Variants in EXOC4 observed in about 807,000 individuals in gnomAD.
The protein encoded by EXOC4 is SEC8-like 1.
EXOC4 carries 71 observed loss-of-function variants against 107.2 expected under a neutral mutation model. The ratio of observed to expected loss-of-function variants is 0.66; its 90% CI spans 0.55 to 0.81. EXOC4 has a LOEUF of 0.81. Ranked by LOEUF, EXOC4 falls within the 30% of genes least tolerant of loss-of-function variation. EXOC4 has a pLI of 0.00. For missense variants in EXOC4, 1,108 were observed against 1,189.6 expected, an observed-to-expected ratio of 0.93 and a Z score of 1.01; for synonymous variants, 456 against 441.2, an observed-to-expected ratio of 1.03 and a Z score of -0.42.
intron 10 of EXOC4, among the ~76,000 whole-genome samples, chr7:133,663,972 A>G (rs934045280): frequency 6.6e-6 from 1 of 152,114 alleles, no homozygotes; most frequent in Non-Finnish European, 1.5e-5. Context: ...TGCTGAATGC[A>G]TTTTCTACAA....
chr7:133,959,298 G>A (rs1216331979), intron 14 of EXOC4, among the ~76,000 whole-genome samples: 1 of 152,068 alleles, frequency 6.6e-6, no homozygotes, highest in African/African-American at 2.4e-5. Context: ...AATATCCCTA[G>A]AAGAAATAAG....
intron 2 of EXOC4, 25 bp downstream of exon 2, chr7:133,275,196 G>A (rs1369395967): frequency 1.9e-6 from 3 of 1,550,050 alleles, no homozygotes; most frequent in Non-Finnish European, 2.6e-6. Context: ...TGGTCTGATG[G>A]TGGCAGCACT....
intron 10 of EXOC4, among the ~76,000 whole-genome samples, chr7:133,800,146 A>G: frequency 6.6e-6 from 1 of 150,954 alleles, no homozygotes; most frequent in East Asian, 2.0e-4. Context: ...GCACTCTAAA[A>G]TGCTGGTGGC....
At chr7:133,432,916 A>T (rs1797887381) in intron 7 of EXOC4, among the ~76,000 whole-genome samples, 1 of 152,252 alleles carries the variant, frequency 6.6e-6, no homozygotes, top group Non-Finnish European at 1.5e-5. Context: ...ACACCAGAGT[A>T]TGCTAAGCAG....
At chr7:134,023,095 G>A (rs1795063548) in intron 17 of EXOC4, among the ~76,000 whole-genome samples, 2 of 152,124 alleles carry the variant, frequency 1.3e-5, no homozygotes. Flanking sequence ...TCCTCTGTAT[G>A]GAAAATTGTG....
intron 9 of EXOC4, among the ~76,000 whole-genome samples, chr7:133,617,096 A>G (rs1315179815): frequency 6.6e-6 from 1 of 152,184 alleles, no homozygotes; most frequent in Non-Finnish European, 1.5e-5. Flanking sequence ...TATAAATTGC[A>G]TTGTATTATA....
At chr7:133,708,975 A>G (rs914515613) in intron 10 of EXOC4, among the ~76,000 whole-genome samples, 1 of 152,208 alleles carries the variant, frequency 6.6e-6, no homozygotes, top group African/African-American at 2.4e-5. Context: ...GAGTTTGCTC[A>G]TCATTCAGTT....
chr7:133,740,923 C>T (rs943373794), intron 10 of EXOC4, among the ~76,000 whole-genome samples: 1 of 152,162 alleles, frequency 6.6e-6, no homozygotes, highest in Non-Finnish European at 1.5e-5. Flanking sequence ...GGTATAATAG[C>T]TAGAGTGGTT....
In EXOC4 at chr7:133,855,047, ATC is replaced by A. The variant is rs1451949087; in HGVS notation, c.1734+37505_1734+37506del. ...TATATATATATCTAAATATATATAT[ATC>A]TAAATATATCTAAATATATCTAAAT... On this transcript the variant is annotated intron_variant, in intron 11 of 17. Transcript: ENST00000253861. Among the ~76,000 whole-genome samples the A allele has an allele frequency of 2.0e-3, 117 of 57,284 alleles. 5 individuals carry two copies. The highest frequency in any genetic ancestry group is 0.014 in the African/African-American group (106 of 7,620). The allele number at this position is 57,284 out of a possible 152,430, so 37.6% of individuals were successfully genotyped here. A position where few individuals can be genotyped will look rare whatever the true frequency, so the allele number is the denominator to read the frequency against.
chr7:133,976,756 T>C (rs1793842501), intron 14 of EXOC4, among the ~76,000 whole-genome samples: 2 of 152,190 alleles, frequency 1.3e-5, no homozygotes, highest in African/African-American at 2.4e-5. Flanking sequence ...CAAATACCTT[T>C]GTTTGGTTTA....
At chr7:133,876,838 T>G (rs931542592) in intron 11 of EXOC4, among the ~76,000 whole-genome samples, 5 of 152,130 alleles carry the variant, frequency 3.3e-5, no homozygotes, top group African/African-American at 1.2e-4. Flanking sequence ...TTTGTTTTTC[T>G]GGCTGTTTTT....
intron 9 of EXOC4, among the ~76,000 whole-genome samples, chr7:133,496,618 G>GT (rs1799481556): frequency 1.3e-5 from 2 of 152,150 alleles, no homozygotes; most frequent in African/African-American, 4.8e-5. Context: ...GAAGATAAAG[G>GT]TATCTCCTCT....
At chr7:133,774,643 T>G (rs1374635977) in intron 10 of EXOC4, among the ~76,000 whole-genome samples, 1 of 152,140 alleles carries the variant, frequency 6.6e-6, no homozygotes, top group Non-Finnish European at 1.5e-5. Context: ...ATCTACTTTT[T>G]TCAAGCCTAA....
intron 10 of EXOC4, among the ~76,000 whole-genome samples, chr7:133,716,346 T>G (rs960214284): frequency 2.0e-5 from 3 of 152,220 alleles, no homozygotes; most frequent in Admixed American, 2.0e-4. Context: ...GCTGAAATAC[T>G]TGTATATGGG....
At chr7:133,288,155 A>T (rs1794323554) in intron 2 of EXOC4, among the ~76,000 whole-genome samples, 1 of 152,014 alleles carries the variant, frequency 6.6e-6, no homozygotes. Context: ...CATGGTTTTT[A>T]AAATTTTTCC....
chr7:133,761,777 C>A (rs1410986840), intron 10 of EXOC4, among the ~76,000 whole-genome samples: 1 of 152,182 alleles, frequency 6.6e-6, no homozygotes, highest in African/African-American at 2.4e-5. Flanking sequence ...AACCATGTCC[C>A]TGTGCAGTTT....
chr7:133,622,601 A>G (rs1293120679), intron 9 of EXOC4, among the ~76,000 whole-genome samples: 3 of 152,126 alleles, frequency 2.0e-5, no homozygotes, highest in Non-Finnish European at 2.9e-5. Context: ...CGTTGCATAC[A>G]TGATCATTAT....
intron 7 of EXOC4, among the ~76,000 whole-genome samples, chr7:133,470,673 C>T (rs1409197232): frequency 6.6e-6 from 1 of 151,994 alleles, no homozygotes; most frequent in Non-Finnish European, 1.5e-5. Context: ...ATTTTTGGGG[C>T]TCTTGATGAA....
chr7:133,506,500 C>A (rs1003666985), intron 9 of EXOC4, among the ~76,000 whole-genome samples: 11 of 152,048 alleles, frequency 7.2e-5, no homozygotes, highest in African/African-American at 2.7e-4. Context: ...GTTGGGATTT[C>A]ACACAGACAT....
Sources: allele counts gnomAD v4.1 joint callset (sites outside exome capture counted in the v4.1 genomes callset), GRCh38; gene constraint gnomAD v4.1.1; transcripts MANE v1.5; gene names NCBI Gene and HGNC (gene_info 2026-07-23, HGNC 2026-07-21).